The following CCDC178 variants were observed in gnomAD, a reference collection of about 807,000 sequenced individuals.
CCDC178 encodes coiled-coil domain-containing protein 178.
In CCDC178, 126 loss-of-function variants were observed where a neutral mutation model predicts 117.4. That is an observed-to-expected ratio of 1.07 (90% CI 0.93 to 1.24). CCDC178 has a LOEUF of 1.24. Ranked by LOEUF, CCDC178 falls within the 50% of genes most tolerant of loss-of-function variation. CCDC178 has a pLI of 0.00. For missense variants in CCDC178, 1,030 were observed against 986.9 expected (o/e 1.04, Z -0.59); for synonymous variants, 283 against 313.4 (o/e 0.90, Z 1.02).
At position 33,145,019 on chromosome 18, in the gene CCDC178, T is replaced by C. The variant is rs78371870; in HGVS notation, c.2239-52109A>G. ...ACGCATTATTTCTCTCTAACCAACATCCATAGTCTTCCTCCTAGTGTTCAA... is the reference window on the plus strand; with the variant it reads ...ACGCATTATTTCTCTCTAACCAACACCCATAGTCTTCCTCCTAGTGTTCAA... On this transcript the variant is annotated intron_variant, in intron 20 of 22. Coordinates refer to ENST00000383096, the MANE Select transcript of CCDC178 (RefSeq NM_001105528.4). 5.3e-3 allele frequency among the ~76,000 whole-genome samples: 812 copies of C among 152,282 alleles called. 7 individuals carry two copies. The highest frequency in any genetic ancestry group is 0.019 in the African/African-American group (790 of 41,562).
chr18:33,420,046 AT>A (rs1188291632), intron 2 of CCDC178, among the ~76,000 whole-genome samples: 2 of 152,168 alleles, frequency 1.3e-5, no homozygotes, highest in Non-Finnish European at 2.9e-5. Context: ...ATCATCCCGA[AT>A]GCCCATCAAT....
chr18:33,087,204 AC>A (rs1163773457), intron 21 of CCDC178, among the ~76,000 whole-genome samples: 1 of 152,208 alleles, frequency 6.6e-6, no homozygotes, highest in African/African-American at 2.4e-5. Flanking sequence ...CATGAAAGAT[AC>A]ATAAATTGAA....
chr18:33,209,473 C>T (rs1247913208), intron 20 of CCDC178, among the ~76,000 whole-genome samples: 2 of 151,958 alleles, frequency 1.3e-5, no homozygotes, highest in Non-Finnish European at 2.9e-5. Context: ...AAAAGGAACA[C>T]CTCAGATTAG....
At chr18:33,388,537 T>TTTTTTTTTTTTTTA (rs2063524675) in intron 5 of CCDC178, among the ~76,000 whole-genome samples, 3 of 115,850 alleles carry the variant, frequency 2.6e-5, no homozygotes, top group African/African-American at 6.6e-5. Context: ...TTTTTTTTTT[T>TTTTTTTTTTTTTTA]GAGACGGAGT....
intron 2 of CCDC178, among the ~76,000 whole-genome samples, chr18:33,423,816 A>C (rs2064070265): frequency 6.6e-6 from 1 of 152,224 alleles, no homozygotes; most frequent in Admixed American, 6.5e-5. Flanking sequence ...AGAGTTAGCA[A>C]CTAGACAACT....
chr18:33,197,625 CA>C (rs35818550), intron 20 of CCDC178, among the ~76,000 whole-genome samples: 10,246 of 135,908 alleles, frequency 0.075, 584 homozygotes, highest in African/African-American at 0.15. Flanking sequence ...ATTGCTTTAT[CA>C]AAAAAAAAAA....
intron 21 of CCDC178, among the ~76,000 whole-genome samples, chr18:33,052,883 G>C (rs1408117767): frequency 6.6e-6 from 1 of 151,988 alleles, no homozygotes; most frequent in Admixed American, 6.6e-5. Flanking sequence ...TCCTGATATT[G>C]GTAAGTCATT....
chr18:33,285,391 C>G lies in CCDC178; in HGVS notation c.1176+7768G>C, dbSNP rs548952118. ...GAAAAAAATCACCAAGGTGTTCTAT[C>G]AAATTTTCAAGAGAAAGTTATTTAA... On this transcript the variant is annotated intron_variant, in intron 12 of 22. Transcript: ENST00000383096. 2.0e-5 allele frequency among the ~76,000 whole-genome samples: 3 copies of G among 148,974 alleles called. No homozygotes were observed. The East Asian group carries it at 5.8e-4, about 29-fold the overall frequency.
At chr18:33,153,842 T>C (rs528048603) in intron 20 of CCDC178, among the ~76,000 whole-genome samples, 4 of 151,900 alleles carry the variant, frequency 2.6e-5, no homozygotes, top group Non-Finnish European at 4.4e-5. Flanking sequence ...TCCAGTATTA[T>C]ACAAAATTTG....
chr18:33,189,961 T>A (rs1384271301), intron 20 of CCDC178, among the ~76,000 whole-genome samples: 1 of 152,192 alleles, frequency 6.6e-6, no homozygotes, highest in Non-Finnish European at 1.5e-5. Context: ...ACCCAATGGA[T>A]GCCAGTGTGC....
chr18:33,266,184 T>G (rs1193295167), intron 14 of CCDC178, among the ~76,000 whole-genome samples: 2 of 151,928 alleles, frequency 1.3e-5, no homozygotes. Context: ...ATATAGACAA[T>G]TCATAAGTTT....
intron 21 of CCDC178, among the ~76,000 whole-genome samples, chr18:33,006,957 C>T (rs907021419): frequency 6.6e-6 from 1 of 152,032 alleles, no homozygotes; most frequent in African/African-American, 2.4e-5. Flanking sequence ...AACTGGATTT[C>T]AGTCTTGTGA....
intron 9 of CCDC178, among the ~76,000 whole-genome samples, chr18:33,343,527 C>T (rs144993994): frequency 7.6e-4 from 116 of 152,212 alleles, no homozygotes; most frequent in African/African-American, 2.6e-3. Flanking sequence ...TATAAATTCC[C>T]CTGCCTCACC....
At chr18:32,959,177 C>T (rs2054654314) in intron 22 of CCDC178, among the ~76,000 whole-genome samples, 2 of 152,072 alleles carry the variant, frequency 1.3e-5, no homozygotes. Context: ...AAAATATTCC[C>T]TTTGCCAACT....
chr18:33,178,097 T>C (rs904280178), intron 20 of CCDC178, among the ~76,000 whole-genome samples: 4 of 152,104 alleles, frequency 2.6e-5, no homozygotes, highest in African/African-American at 4.8e-5. Flanking sequence ...GATCCAGAGA[T>C]GTATCAACAT....
At chr18:32,940,172 A>G (rs867920435) in intron 22 of CCDC178, among the ~76,000 whole-genome samples, 7 of 152,194 alleles carry the variant, frequency 4.6e-5, no homozygotes, top group Non-Finnish European at 7.4e-5. Flanking sequence ...AATCAACAAA[A>G]TGATTGATCC....
At chr18:33,109,747 C>T (rs1279208567) in intron 20 of CCDC178, among the ~76,000 whole-genome samples, 8 of 149,538 alleles carry the variant, frequency 5.3e-5, no homozygotes, top group African/African-American at 1.5e-4. Flanking sequence ...AGTCGGGTAT[C>T]TTTTGCTCAA....
chr18:33,401,644 A>C (rs931306020), intron 3 of CCDC178, among the ~76,000 whole-genome samples: 1 of 152,058 alleles, frequency 6.6e-6, no homozygotes, highest in Non-Finnish European at 1.5e-5. Flanking sequence ...AATTAACATG[A>C]TATATAACAT....
intron 6 of CCDC178, among the ~76,000 whole-genome samples, chr18:33,357,298 C>A (rs1015735117): frequency 6.6e-6 from 1 of 152,108 alleles, no homozygotes; most frequent in Admixed American, 6.6e-5. Context: ...AAATAAACCT[C>A]TAAATTGATT....
Sources: allele counts gnomAD v4.1 joint callset (sites outside exome capture counted in the v4.1 genomes callset), GRCh38; gene constraint gnomAD v4.1.1; transcripts MANE v1.5; gene names NCBI Gene and HGNC (gene_info 2026-07-23, HGNC 2026-07-21).